Variants in CNR2 observed in about 807,000 individuals in gnomAD.
CNR2 encodes the protein cannabinoid receptor 2 (macrophage).
For synonymous variants in CNR2, 172 were observed against 182.2 expected, an observed-to-expected ratio of 0.94 and a Z score of 0.45; for missense variants, 379 against 439.9, an observed-to-expected ratio of 0.86 and a Z score of 1.24.
At chr1:23,885,566 A>G (rs1570707814) in intron 1 of CNR2, among the ~76,000 whole-genome samples, 1 of 152,096 alleles carries the variant, frequency 6.6e-6, no homozygotes. Flanking sequence ...TAGTTCACCT[A>G]CTCTGTGAGG....
At chr1:23,890,465 G>T (rs558276045) in intron 1 of CNR2, among the ~76,000 whole-genome samples, 1 of 151,840 alleles carries the variant, frequency 6.6e-6, no homozygotes, top group Non-Finnish European at 1.5e-5. Flanking sequence ...AAACAGACCC[G>T]CTGGGCGAGG....
At chr1:23,892,143 C>T (rs1322277199) in intron 1 of CNR2, among the ~76,000 whole-genome samples, 1 of 152,190 alleles carries the variant, frequency 6.6e-6, no homozygotes, top group Non-Finnish European at 1.5e-5. Flanking sequence ...CCACAAGCAG[C>T]AGCCCTGAAG....
intron 1 of CNR2, among the ~76,000 whole-genome samples, chr1:23,913,037 C>T (rs1402116755): frequency 2.0e-5 from 3 of 152,076 alleles, no homozygotes; most frequent in African/African-American, 7.2e-5. Context: ...CGCAGTAGTG[C>T]ACACCTGTAA....
chr1:23,884,991 G>T (rs1640062578), intron 1 of CNR2, among the ~76,000 whole-genome samples: 2 of 151,960 alleles, frequency 1.3e-5, no homozygotes, highest in South Asian at 4.2e-4. Context: ...TAGTAGAGGT[G>T]GGGTTTCACC....
rs559403120 is a variant in CNR2, at chr1:23,897,203, A to G, written c.-46+16043T>C. Among the ~76,000 whole-genome samples, 149 of 152,164 alleles carry G rather than the reference A, an allele frequency of 9.8e-4. 2 individuals are homozygous for G. The highest frequency in any genetic ancestry group is 9.7e-4 in the Non-Finnish European group (66 of 67,998). ...AGTGGTTTTTTGATGAGATCTCAAA[A>G]GGTCCTTCAAACATGGCAGTTATGC... On this transcript the variant is annotated intron_variant, in intron 1 of 1. Transcript: ENST00000374472.
rs549391143 is a variant in CNR2 at position 23,882,752 on chromosome 1, G to A, written c.-45-7090C>T. On this transcript the variant is annotated intron_variant, in intron 1 of 1. Coordinates refer to ENST00000374472, the MANE Select transcript of CNR2 (RefSeq NM_001841.3). ...GGAGAATCGCTTGAACCTGGGAGGC[G>A]GAGGTTTCAGTGAACCAAGATTGTG... Among the ~76,000 whole-genome samples, 144 of 152,098 alleles carry A rather than the reference G, an allele frequency of 9.5e-4. 1 individual carries two copies. The highest frequency in any genetic ancestry group is 3.2e-3 in the African/African-American group (132 of 41,490).
chr1:23,884,552 C>T (rs1388997206), intron 1 of CNR2, among the ~76,000 whole-genome samples: 1 of 151,630 alleles, frequency 6.6e-6, no homozygotes. Flanking sequence ...ATGATCCACC[C>T]GATTCAGCCT....
chr1:23,870,755 TG>T lies in CNR2; in HGVS notation c.*3779del. On this transcript the variant is annotated 3_prime_UTR_variant, in exon 2 of 2. Transcript: ENST00000374472. ...CCCTGAGCAAGTCTTGTCCACTGTC[TG>T]GGCCCATTTCCTCAACCAAACAACA... The T allele has an allele frequency of 6.6e-6, 1 of 152,222 alleles. No homozygotes were observed. The highest frequency in any genetic ancestry group is 1.5e-5 in the Non-Finnish European group (1 of 68,072). 9.4% of individuals were successfully genotyped at this position (152,222 alleles called of 1,614,324 possible).
chr1:23,898,342 T>TCAA (rs1557531635), intron 1 of CNR2, among the ~76,000 whole-genome samples: 22 of 106,226 alleles, frequency 2.1e-4, no homozygotes, highest in Middle Eastern at 8.6e-3. Context: ...CGGCTTTTTT[T>TCAA]TTTTTTTTTT....
intron 1 of CNR2, among the ~76,000 whole-genome samples, chr1:23,877,023 T>A (rs1019812194): frequency 1.3e-5 from 2 of 152,094 alleles, no homozygotes; most frequent in Admixed American, 1.3e-4. Context: ...GAATACCACA[T>A]ATAAAGGCCC....
rs1639779832 is a variant in CNR2 at position 23,872,430 on chromosome 1, G to A, written c.*2105C>T. 1 of 152,060 alleles carries A rather than the reference G, an allele frequency of 6.6e-6. No individual in the cohort carries two copies. Among genetic ancestry groups the A allele is most frequent in the African/African-American group, 2.4e-5 (1 of 41,406 alleles). The allele number at this position is 152,060 out of a possible 1,614,324, so 9.4% of individuals were successfully genotyped here. On this transcript the variant is annotated 3_prime_UTR_variant, in exon 2 of 2. Coordinates refer to ENST00000374472, the MANE Select transcript of CNR2 (RefSeq NM_001841.3). ...ATACGGGGCCATTTAATAAAATGGA[G>A]TATATTGAGAATCTACGATGAGTTA... is the stretch of plus-strand genomic sequence containing the variant.
intron 1 of CNR2, among the ~76,000 whole-genome samples, chr1:23,907,408 C>CAAAA (rs58616828): frequency 2.0e-5 from 2 of 98,286 alleles, no homozygotes; most frequent in Admixed American, 2.1e-4. Flanking sequence ...GACCTTGTCT[C>CAAAA]AAAAAAAAAA....
chr1:23,884,697 T>C (rs1319854612), intron 1 of CNR2, among the ~76,000 whole-genome samples: 2 of 151,970 alleles, frequency 1.3e-5, no homozygotes, highest in Admixed American at 1.3e-4. Context: ...TGTTAAAGCA[T>C]TGGGCTGAGG....
Position 23,875,627 on chromosome 1 carries a change from C to T in CNR2, c.-10G>A, listed in dbSNP as rs1639861978. ...CCCAGCATTCCTCCATGGGGTGGGCCCTTCAGATTCCACTGAGCTTGTCTA... is the reference window on the plus strand; with the variant it reads ...CCCAGCATTCCTCCATGGGGTGGGCTCTTCAGATTCCACTGAGCTTGTCTA... On this transcript the variant is annotated 5_prime_UTR_variant, in exon 2 of 2. Coordinates refer to ENST00000374472, the MANE Select transcript of CNR2 (RefSeq NM_001841.3). 6.3e-7 allele frequency: 1 copy of T among 1,582,192 alleles called. No homozygotes were observed. The highest frequency in any genetic ancestry group is 1.3e-5 in the African/African-American group (1 of 74,126).
intron 1 of CNR2, among the ~76,000 whole-genome samples, chr1:23,898,317 G>T (rs200568259): frequency 0.039 from 4,036 of 103,896 alleles, no homozygotes; most frequent in Middle Eastern, 0.21. Flanking sequence ...GATTACAGGC[G>T]TGAGCCACCG....
intron 1 of CNR2, among the ~76,000 whole-genome samples, chr1:23,912,476 G>T (rs957899402): frequency 6.6e-6 from 1 of 152,254 alleles, no homozygotes; most frequent in Non-Finnish European, 1.5e-5. Flanking sequence ...TGGCTGAAGG[G>T]TGGGCCGCGA....
Position 23,888,666 on chromosome 1 carries a change from C to G in CNR2, c.-45-13004G>C, listed in dbSNP as rs148111101. Among the ~76,000 whole-genome samples, 302 of 152,132 alleles carry G rather than the reference C, an allele frequency of 2.0e-3. 3 individuals are homozygous for G. The highest frequency in any genetic ancestry group is 7.0e-3 in the African/African-American group (290 of 41,510). On this transcript the variant is annotated intron_variant, in intron 1 of 1. Transcript: ENST00000374472. ...GGAGTCTTTCTGAACCTATTCTGGGCTGCCTGATTAAAAAAGAAAAAAGGC... is the reference window on the plus strand; with the variant it reads ...GGAGTCTTTCTGAACCTATTCTGGGGTGCCTGATTAAAAAAGAAAAAAGGC...
In CNR2 at chr1:23,875,218, A is replaced by G. The variant is rs930052487; in HGVS notation, c.400T>C (p.Cys134Arg). 1 of 1,614,180 alleles carries G rather than the reference A, an allele frequency of 6.2e-7. No homozygotes were observed. ...TTGTAGGAAGGTGGATAGCGCAGGC[A>G]GAGGTATCGGTCAATGGCGGTCAGC... ...LLLTAIDRYLCLRYPPSYKAL... is the reference protein window; with the variant it reads ...LLLTAIDRYLRLRYPPSYKAL... The change falls in exon 2 of 2, where the codon TGC (cysteine) becomes CGC (arginine). Residue 134 changes from cysteine (C) to arginine (R), a missense_variant. Coordinates refer to ENST00000374472, the MANE Select transcript of CNR2 (RefSeq NM_001841.3).
intron 1 of CNR2, among the ~76,000 whole-genome samples, chr1:23,885,739 G>A (rs1489934865): frequency 2.0e-5 from 3 of 152,108 alleles, no homozygotes; most frequent in African/African-American, 4.8e-5. Flanking sequence ...TTGACCAGGC[G>A]TGGTGGCGTG....
Sources: gnomAD v4.1 joint callset for allele counts (sites outside exome capture counted in the v4.1 genomes callset) on GRCh38, gnomAD v4.1.1 for gene constraint, MANE v1.5 for transcripts, NCBI Gene and HGNC (gene_info 2026-07-23, HGNC 2026-07-21) for gene names.